Variants in EXOC6B observed in about 807,000 individuals in gnomAD.
EXOC6B encodes exocyst complex component 6B, also known as SEC15 homolog B.
Under a neutral mutation model 113.5 loss-of-function variants are expected in EXOC6B, and 54 were observed. The observed-to-expected ratio is 0.48, with a 90% CI of 0.38 to 0.60. The LOEUF (loss-of-function observed/expected upper bound fraction) is 0.60, where lower values mean the gene tolerates loss of function less well. Among genes scored for constraint, EXOC6B ranks in the 20% least tolerant of loss-of-function variants. The pLI is 0.00. For missense variants in EXOC6B, 797 were observed against 977.5 expected, an observed-to-expected ratio of 0.82 and a Z score of 2.46; for synonymous variants, 357 against 339.0, an observed-to-expected ratio of 1.05 and a Z score of -0.58.
rs1382904388 is a variant in EXOC6B at position 72,670,047 on chromosome 2, A to G, written c.669+48056T>C. The stretch of plus-strand genomic sequence containing the variant: ...TTTGTAGTTTTTTCATAACTCTACA[A>G]AAGTTGCTCACTAACTCAGAAAATT... On this transcript the variant is annotated intron_variant, in intron 6 of 21. Coordinates refer to ENST00000272427, the MANE Select transcript of EXOC6B (RefSeq NM_015189.3). 2.0e-5 allele frequency among the ~76,000 whole-genome samples: 3 copies of G among 152,344 alleles called. No homozygotes were observed. The East Asian group carries it at 5.8e-4, about 29-fold the overall frequency.
intron 18 of EXOC6B, among the ~76,000 whole-genome samples, chr2:72,457,686 T>C (rs1697328345): frequency 6.6e-6 from 1 of 152,052 alleles, no homozygotes; most frequent in South Asian, 2.1e-4. Flanking sequence ...CAATTGTAAA[T>C]TATACAACTG....
chr2:72,478,283 G>A (rs1039764899), intron 17 of EXOC6B, among the ~76,000 whole-genome samples: 1 of 152,130 alleles, frequency 6.6e-6, no homozygotes, highest in Non-Finnish European at 1.5e-5. Flanking sequence ...AGCTAAGGAC[G>A]CCAGCTTGAT....
At chr2:72,428,434 C>A (rs1183882783) in intron 18 of EXOC6B, among the ~76,000 whole-genome samples, 1 of 152,190 alleles carries the variant, frequency 6.6e-6, no homozygotes, top group Non-Finnish European at 1.5e-5. Flanking sequence ...TGCACCTGGT[C>A]CAGTTGCAGC....
intron 6 of EXOC6B, among the ~76,000 whole-genome samples, chr2:72,684,245 C>A (rs780204971): frequency 1.3e-5 from 2 of 152,014 alleles, no homozygotes; most frequent in Non-Finnish European, 2.9e-5. Flanking sequence ...TTCTTATATC[C>A]CTTTCATCTC....
In EXOC6B at chr2:72,212,365, A is replaced by G. The variant is rs1680247607; in HGVS notation, c.2197-28178T>C. Among the ~76,000 whole-genome samples, 4 of 152,190 alleles carry G rather than the reference A, an allele frequency of 2.6e-5. 1 individual carries two copies. In the South Asian group the frequency reaches 8.3e-4, roughly 32 times the overall value. Reference sequence around the variant, plus strand: ...TGCGTTAATTACTAACATATCATAGAGATAAATCTGAGTTTCCAACACACA... The same window carrying G: ...TGCGTTAATTACTAACATATCATAGGGATAAATCTGAGTTTCCAACACACA... On this transcript the variant is annotated intron_variant, in intron 20 of 21. Transcript: ENST00000272427.
intron 6 of EXOC6B, among the ~76,000 whole-genome samples, chr2:72,669,038 G>C (rs755635109): frequency 6.6e-6 from 1 of 152,032 alleles, no homozygotes; most frequent in Non-Finnish European, 1.5e-5. Flanking sequence ...AGTGAGTTTT[G>C]ATCACACTAT....
intron 18 of EXOC6B, among the ~76,000 whole-genome samples, chr2:72,404,020 G>A (rs1238632130): frequency 2.0e-5 from 3 of 152,206 alleles, no homozygotes; most frequent in Non-Finnish European, 4.4e-5. Context: ...CTAATACTGC[G>A]ATTTTCCAAG....
chr2:72,720,257 A>G (rs1447393322), intron 5 of EXOC6B, among the ~76,000 whole-genome samples: 1 of 152,164 alleles, frequency 6.6e-6, no homozygotes, highest in Non-Finnish European at 1.5e-5. Context: ...CATGAAAAAT[A>G]GAAAACAAAG....
chr2:72,360,988 C>G (rs1690277765), intron 19 of EXOC6B, among the ~76,000 whole-genome samples: 1 of 149,916 alleles, frequency 6.7e-6, no homozygotes, highest in South Asian at 2.1e-4. Flanking sequence ...CTCCAAAATA[C>G]TTTCCATTGC....
chr2:72,384,110 C>T (rs1263165708), intron 18 of EXOC6B, among the ~76,000 whole-genome samples: 2 of 151,960 alleles, frequency 1.3e-5, no homozygotes, highest in Admixed American at 1.3e-4. Context: ...CATGAGTATA[C>T]CTATATAACA....
chr2:72,593,127 C>T (rs1706078825), intron 6 of EXOC6B, among the ~76,000 whole-genome samples: 1 of 152,162 alleles, frequency 6.6e-6, no homozygotes, highest in African/African-American at 2.4e-5. Flanking sequence ...GAAAGGGTAG[C>T]ACGCTTGAAG....
chr2:72,369,162 C>A (rs888488010), intron 19 of EXOC6B, among the ~76,000 whole-genome samples: 4 of 152,202 alleles, frequency 2.6e-5, no homozygotes, highest in African/African-American at 9.7e-5. Flanking sequence ...GCAACTTCAG[C>A]AAAGTCTCAG....
intron 20 of EXOC6B, among the ~76,000 whole-genome samples, chr2:72,199,990 G>A (rs6707549): frequency 0.072 from 10,973 of 152,050 alleles, 514 homozygotes; most frequent in African/African-American, 0.14. Context: ...TCCACCTCCC[G>A]GGTTCAAGTG....
At chr2:72,234,165 C>A (rs924115304) in intron 20 of EXOC6B, among the ~76,000 whole-genome samples, 1 of 150,282 alleles carries the variant, frequency 6.7e-6, no homozygotes, top group Non-Finnish European at 1.5e-5. Context: ...CAGCTCACTG[C>A]AACCTCCGTC....
At chr2:72,276,075 G>A (rs904926340) in intron 20 of EXOC6B, among the ~76,000 whole-genome samples, 9 of 152,246 alleles carry the variant, frequency 5.9e-5, no homozygotes, top group African/African-American at 2.2e-4. Flanking sequence ...GGTGGAAAAG[G>A]GAAGGAGAGA....
intron 1 of EXOC6B, among the ~76,000 whole-genome samples, chr2:72,749,967 CTATA>C (rs1205808174): frequency 6.6e-6 from 1 of 151,412 alleles, no homozygotes; most frequent in Non-Finnish European, 1.5e-5. Context: ...GTTATGTATA[CTATA>C]TATATAAATG....
intron 2 of EXOC6B, among the ~76,000 whole-genome samples, chr2:72,733,778 A>G (rs1004680380): frequency 5.3e-5 from 8 of 152,350 alleles, no homozygotes; most frequent in African/African-American, 1.9e-4. Context: ...TTAATTATAT[A>G]GGATAGTAAT....
intron 1 of EXOC6B, among the ~76,000 whole-genome samples, chr2:72,777,531 ACT>A (rs1203285505): frequency 6.6e-6 from 1 of 152,106 alleles, no homozygotes; most frequent in Non-Finnish European, 1.5e-5. Context: ...AAACTGAGAG[ACT>A]CTGTCACTAG....
In EXOC6B at chr2:72,458,934, G is replaced by A. The variant is rs530019947; in HGVS notation, c.1980+6226C>T. 3.3e-5 allele frequency among the ~76,000 whole-genome samples: 5 copies of A among 152,074 alleles called. No homozygotes were observed. The East Asian group carries it at 5.8e-4, about 18-fold the overall frequency. ...AGTAATTAAACACAACAATTCTTGA[G>A]GTGGAAAACAATTATTCTAAATATC... On this transcript the variant is annotated intron_variant, in intron 18 of 21. Coordinates refer to ENST00000272427, the MANE Select transcript of EXOC6B (RefSeq NM_015189.3).
Sources: allele counts gnomAD v4.1 joint callset (sites outside exome capture counted in the v4.1 genomes callset), GRCh38; gene constraint gnomAD v4.1.1; transcripts MANE v1.5; gene names NCBI Gene and HGNC (gene_info 2026-07-23, HGNC 2026-07-21).